TAOK1: variants seen among roughly 807,000 people sequenced by gnomAD.
TAOK1 encodes the protein serine/threonine-protein kinase TAO1.
A neutral mutation model predicts 138.3 loss-of-function variants in TAOK1; 21 were observed. The observed-to-expected ratio is 0.15, with a 90% confidence interval of 0.11 to 0.22. The LOEUF (loss-of-function observed/expected upper bound fraction) is 0.22, where lower values mean the gene tolerates loss of function less well. TAOK1 is among the 10% of genes least tolerant of loss of function. The probability of loss-of-function intolerance (pLI) is 1.00; values close to 1 mark genes in which losing one functional copy is unlikely to be tolerated. For synonymous variants in TAOK1, 361 were observed against 398.4 expected, an observed-to-expected ratio of 0.91 and a Z score of 1.12; for missense variants, 651 against 1,227.7, an observed-to-expected ratio of 0.53 and a Z score of 7.02.
intron 1 of TAOK1, among the ~76,000 whole-genome samples, chr17:29,402,745 A>T (rs1025173444): frequency 5.3e-5 from 8 of 152,152 alleles, no homozygotes; most frequent in East Asian, 1.9e-4. Context: ...AGTATATTTT[A>T]AAAATGCCAG....
intron 1 of TAOK1, among the ~76,000 whole-genome samples, chr17:29,428,667 G>A (rs1408275247): frequency 6.6e-6 from 1 of 151,976 alleles, no homozygotes; most frequent in East Asian, 1.9e-4. Context: ...ACAAGATCTG[G>A]CTGTTACTCA....
intron 3 of TAOK1, among the ~76,000 whole-genome samples, 154 bp from the exon 4 acceptor site, chr17:29,475,516 G>A (rs2030925281): frequency 6.6e-6 from 1 of 152,130 alleles, no homozygotes; most frequent in Admixed American, 6.5e-5. Context: ...CTCCAGCCTG[G>A]GTGAAAGAGC....
chr17:29,510,119 G>A (rs764402455), intron 14 of TAOK1, among the ~76,000 whole-genome samples: 3 of 151,264 alleles, frequency 2.0e-5, no homozygotes, highest in Non-Finnish European at 2.9e-5. Flanking sequence ...GCTCACGCCT[G>A]TAATCCCAGC....
rs151227003 is a variant in TAOK1, at chr17:29,412,762, A to G, written c.-95+21738A>G. 8.5e-5 allele frequency among the ~76,000 whole-genome samples: 13 copies of G among 152,338 alleles called. No homozygotes were observed. The East Asian group carries it at 2.5e-3, about 29-fold the overall frequency. ...GAGAATTTGGCAGTGAACTAGGGCA[A>G]CTATTTATACAACGAAAGTAAAAAG... On this transcript the variant is annotated intron_variant, in intron 1 of 19. Transcript: ENST00000261716.
At chr17:29,513,574 A>G (rs1204321625) in intron 15 of TAOK1, 2 of 152,192 alleles carry the variant, frequency 1.3e-5, no homozygotes, top group Non-Finnish European at 2.9e-5. Flanking sequence ...ATTTAGAATA[A>G]TGATTCTCAG....
intron 19 of TAOK1, among the ~76,000 whole-genome samples, chr17:29,538,587 A>T (rs1401996408): frequency 6.6e-6 from 1 of 152,216 alleles, no homozygotes; most frequent in Non-Finnish European, 1.5e-5. Context: ...CCGGTTGTAC[A>T]TACATATAAG....
intron 19 of TAOK1, among the ~76,000 whole-genome samples, chr17:29,538,293 GT>G (rs1244447315): frequency 6.6e-6 from 1 of 152,022 alleles, no homozygotes; most frequent in Non-Finnish European, 1.5e-5. Flanking sequence ...AATGTGATAG[GT>G]TGATTTTTTT....
At chr17:29,423,230 T>TC (rs1264457092) in intron 1 of TAOK1, among the ~76,000 whole-genome samples, 1 of 149,940 alleles carries the variant, frequency 6.7e-6, no homozygotes, top group African/African-American at 2.4e-5. Flanking sequence ...TTTTCTTTTT[T>TC]TTTTTTTGAG....
intron 1 of TAOK1, among the ~76,000 whole-genome samples, chr17:29,410,209 T>A (rs988130635): frequency 2.0e-5 from 3 of 152,234 alleles, no homozygotes; most frequent in African/African-American, 7.2e-5. Flanking sequence ...TTCCACATAG[T>A]GTTAAAAGGA....
At position 29,390,432 on chromosome 17, in the gene TAOK1, G is replaced by A. The variant is rs961285086; in HGVS notation, c.-687G>A. 1 of 152,456 alleles carries A rather than the reference G, an allele frequency of 6.6e-6. No homozygotes were observed. The highest frequency in any genetic ancestry group is 2.4e-5 in the African/African-American group (1 of 41,420). 9.4% of individuals were successfully genotyped at this position (152,456 alleles called of 1,614,324 possible). ...GGGAGGGTGGCAAAGAGACTGAGTC[G>A]GTGCCGCCGCCTGCCTGAGGAGAGA... On this transcript the variant is annotated 5_prime_UTR_variant, in exon 1 of 20. Coordinates refer to ENST00000261716, the MANE Select transcript of TAOK1 (RefSeq NM_020791.4).
chr17:29,486,754 A>C (rs1303306695), intron 8 of TAOK1, among the ~76,000 whole-genome samples: 1 of 152,244 alleles, frequency 6.6e-6, no homozygotes, highest in Admixed American at 6.5e-5. Flanking sequence ...TTTTTAATTT[A>C]ATAGTGAATG....
intron 19 of TAOK1, among the ~76,000 whole-genome samples, chr17:29,534,985 CAGA>C (rs906422451): frequency 2.7e-5 from 4 of 148,058 alleles, no homozygotes; most frequent in African/African-American, 1.0e-4. Flanking sequence ...GGGCGATGGA[CAGA>C]AGATTTTGAG....
At chr17:29,530,307 A>AT (rs2032080147) in intron 17 of TAOK1, 100 bp from the exon 18 acceptor site, 3 of 1,099,314 alleles carry the variant, frequency 2.7e-6, no homozygotes, top group African/African-American at 1.6e-5. Flanking sequence ...CTTTCCTCTC[A>AT]TTTTTTTCCT....
intron 1 of TAOK1, among the ~76,000 whole-genome samples, chr17:29,420,772 A>G (rs2153021745): frequency 6.6e-6 from 1 of 151,686 alleles, no homozygotes; most frequent in South Asian, 2.1e-4. Context: ...TTTAGTAGAG[A>G]CAGGGTTTCT....
chr17:29,521,707 C>T (rs572658113), intron 16 of TAOK1, among the ~76,000 whole-genome samples: 11 of 152,244 alleles, frequency 7.2e-5, no homozygotes, highest in African/African-American at 2.2e-4. Flanking sequence ...CTCAGCCTCC[C>T]GCGTAGCTGG....
chr17:29,452,253 TGAAAG>T (rs1567722183), intron 2 of TAOK1, among the ~76,000 whole-genome samples: 1 of 151,886 alleles, frequency 6.6e-6, no homozygotes, highest in Non-Finnish European at 1.5e-5. Flanking sequence ...AATAAACAAA[TGAAAG>T]AAAGAAAAAG....
At chr17:29,472,415 G>A (rs776563455) in intron 3 of TAOK1, among the ~76,000 whole-genome samples, 1 of 151,826 alleles carries the variant, frequency 6.6e-6, no homozygotes. Context: ...CCCATGCCTG[G>A]CTGATTTTTG....
chr17:29,542,128 C>T (rs960896539), intron 19 of TAOK1, among the ~76,000 whole-genome samples: 8 of 152,174 alleles, frequency 5.3e-5, no homozygotes, highest in Admixed American at 4.6e-4. Flanking sequence ...CCGCCCGCAT[C>T]AGCCTCCCAA....
chr17:29,406,312 G>A (rs1904989604), intron 1 of TAOK1, among the ~76,000 whole-genome samples: 1 of 151,936 alleles, frequency 6.6e-6, no homozygotes, highest in South Asian at 2.1e-4. Flanking sequence ...GAGTTAAGGG[G>A]TGTTTAGGAG....
Sources: allele counts gnomAD v4.1 joint callset (sites outside exome capture counted in the v4.1 genomes callset), GRCh38; gene constraint gnomAD v4.1.1; transcripts MANE v1.5; gene names NCBI Gene and HGNC (gene_info 2026-07-23, HGNC 2026-07-21).